GABRG3: variants seen among roughly 807,000 people sequenced by gnomAD.
The protein encoded by GABRG3 is gamma-aminobutyric acid type A receptor subunit gamma3, also known as gamma-aminobutyric acid receptor subunit gamma-3.
A neutral mutation model predicts 48.8 loss-of-function variants in GABRG3; 25 were observed. That is an observed-to-expected ratio of 0.51 (90% CI 0.37 to 0.72). The LOEUF (loss-of-function observed/expected upper bound fraction) is 0.72. Among genes scored for constraint, GABRG3 ranks in the 30% least tolerant of loss-of-function variants. GABRG3 has a pLI of 0.00. For synonymous variants in GABRG3, 227 were observed against 217.6 expected, an observed-to-expected ratio of 1.04 and a Z score of -0.38; for missense variants, 394 against 577.9, an observed-to-expected ratio of 0.68 and a Z score of 3.26.
intron 5 of GABRG3, among the ~76,000 whole-genome samples, chr15:27,376,930 A>C (rs1389415167): frequency 6.6e-6 from 1 of 152,180 alleles, no homozygotes; most frequent in African/African-American, 2.4e-5. Flanking sequence ...GTCAGGCTGC[A>C]AATTTTCCAA....
intron 3 of GABRG3, among the ~76,000 whole-genome samples, chr15:27,140,006 C>T (rs1257561735): frequency 6.6e-6 from 1 of 152,182 alleles, no homozygotes; most frequent in African/African-American, 2.4e-5. Flanking sequence ...ATGAGCAGGG[C>T]CCCGGAGGCA....
intron 3 of GABRG3, among the ~76,000 whole-genome samples, chr15:27,191,181 T>C (rs1392462205): frequency 6.6e-6 from 1 of 152,184 alleles, no homozygotes; most frequent in Non-Finnish European, 1.5e-5. Flanking sequence ...TGTGTGGTGC[T>C]GAAAAAAATG....
chr15:27,208,123 T>G (rs543382690), intron 3 of GABRG3: 1 of 178,298 alleles, frequency 5.6e-6, no homozygotes, highest in Admixed American at 5.1e-5. Context: ...TAGTTTGTCA[T>G]TGAGATGGCA....
intron 3 of GABRG3, among the ~76,000 whole-genome samples, chr15:27,136,470 G>A (rs1224035448): frequency 6.6e-6 from 1 of 152,132 alleles, no homozygotes; most frequent in Non-Finnish European, 1.5e-5. Context: ...GAAGGTGGCT[G>A]TGCTTAATCC....
At chr15:27,139,386 C>T (rs556101900) in intron 3 of GABRG3, among the ~76,000 whole-genome samples, 1 of 152,250 alleles carries the variant, frequency 6.6e-6, no homozygotes, top group East Asian at 1.9e-4. Flanking sequence ...TTTGCTTTTC[C>T]TCTGCCTTTT....
chr15:27,334,688 G>C (rs962531630), intron 5 of GABRG3, among the ~76,000 whole-genome samples: 2 of 148,406 alleles, frequency 1.3e-5, no homozygotes, highest in African/African-American at 5.3e-5. Context: ...TCTGAAGTTC[G>C]GTTGGATGTC....
chr15:27,300,935 C>A (rs1398730743), intron 3 of GABRG3, among the ~76,000 whole-genome samples: 1 of 152,046 alleles, frequency 6.6e-6, no homozygotes, highest in Non-Finnish European at 1.5e-5. Flanking sequence ...CCACTGTACT[C>A]CAGCCTGGGC....
intron 3 of GABRG3, among the ~76,000 whole-genome samples, chr15:27,302,405 A>C (rs1331117533): frequency 7.9e-5 from 12 of 152,078 alleles, no homozygotes; most frequent in Admixed American, 7.9e-4. Flanking sequence ...GTTACACTAC[A>C]TAATGAGAAA....
At chr15:27,419,562 A>G (rs1888047362) in intron 5 of GABRG3, among the ~76,000 whole-genome samples, 1 of 152,184 alleles carries the variant, frequency 6.6e-6, no homozygotes, top group African/African-American at 2.4e-5. Flanking sequence ...TCCGAGTGTC[A>G]TAGGAAGCAA....
intron 3 of GABRG3, among the ~76,000 whole-genome samples, chr15:27,192,884 A>T (rs1416076419): frequency 1.3e-5 from 2 of 152,042 alleles, no homozygotes; most frequent in South Asian, 4.2e-4. Context: ...TGATGTACAG[A>T]TGGGTTTTTG....
chr15:27,154,735 A>T (rs372145177), intron 3 of GABRG3, among the ~76,000 whole-genome samples: 1 of 152,080 alleles, frequency 6.6e-6, no homozygotes, highest in East Asian at 1.9e-4. Flanking sequence ...TCTGTTTGTT[A>T]ATATGTATCT....
chr15:27,152,611 TA>T (rs1432315886), intron 3 of GABRG3, among the ~76,000 whole-genome samples: 1 of 152,234 alleles, frequency 6.6e-6, no homozygotes, highest in Non-Finnish European at 1.5e-5. Flanking sequence ...GTTGAAGTCA[TA>T]AAAACCATCT....
At chr15:27,248,769 C>A (rs1294060840) in intron 3 of GABRG3, among the ~76,000 whole-genome samples, 4 of 97,436 alleles carry the variant, frequency 4.1e-5, no homozygotes, top group Non-Finnish European at 7.5e-5. Context: ...AGAAGGAAAA[C>A]ACACACACAC....
chr15:27,410,621 G>C (rs1441279318), intron 5 of GABRG3, among the ~76,000 whole-genome samples: 1 of 152,048 alleles, frequency 6.6e-6, no homozygotes, highest in Non-Finnish European at 1.5e-5. Flanking sequence ...TGAATCCAAG[G>C]TACTGTCTAT....
chr15:27,487,659 G>T (rs1043869087), intron 6 of GABRG3, among the ~76,000 whole-genome samples: 1 of 152,124 alleles, frequency 6.6e-6, no homozygotes, highest in Non-Finnish European at 1.5e-5. Flanking sequence ...CCCTGGCATG[G>T]ATGATATTTT....
chr15:27,248,803 C>CACACACACACAGAGAG (rs1377080195), intron 3 of GABRG3, among the ~76,000 whole-genome samples: 32 of 110,226 alleles, frequency 2.9e-4, no homozygotes, highest in African/African-American at 1.1e-3. Context: ...CACACACACA[C>CACACACACACAGAGAG]AGAGAGAGAG....
At chr15:27,453,880 G>A (rs945583123) in intron 5 of GABRG3, among the ~76,000 whole-genome samples, 1 of 152,196 alleles carries the variant, frequency 6.6e-6, no homozygotes, top group Non-Finnish European at 1.5e-5. Context: ...GGTATCACAG[G>A]CATGAGCCAC....
intron 5 of GABRG3, among the ~76,000 whole-genome samples, chr15:27,448,018 T>G (rs779487097): frequency 6.6e-6 from 1 of 152,040 alleles, no homozygotes; most frequent in Non-Finnish European, 1.5e-5. Flanking sequence ...AATACACAAA[T>G]AAATATTTAT....
intron 3 of GABRG3, among the ~76,000 whole-genome samples, chr15:27,063,509 C>T (rs878974): frequency 0.14 from 21,501 of 152,062 alleles, 2,197 homozygotes; most frequent in East Asian, 0.28. Context: ...ATTGTGTGGG[C>T]CCCTGTTTCC....
Sources: allele counts gnomAD v4.1 joint callset (sites outside exome capture counted in the v4.1 genomes callset), GRCh38; gene constraint gnomAD v4.1.1; transcripts MANE v1.5; gene names NCBI Gene and HGNC (gene_info 2026-07-23, HGNC 2026-07-21).